Variants in UPF3A observed in about 807,000 individuals in gnomAD.
UPF3A encodes the protein regulator of nonsense transcripts 3A.
UPF3A carries 42 observed loss-of-function variants against 53.5 expected under a neutral mutation model. The observed-to-expected ratio is 0.78, with a 90% confidence interval of 0.61 to 1.01. The LOEUF (loss-of-function observed/expected upper bound fraction) is 1.01. Among genes scored for constraint, UPF3A ranks in the 50% least tolerant of loss-of-function variants. UPF3A has a pLI of 0.00. For missense variants in UPF3A, 575 were observed against 598.0 expected, an observed-to-expected ratio of 0.96 and a Z score of 0.40; for synonymous variants, 237 against 225.3, an observed-to-expected ratio of 1.05 and a Z score of -0.47.
In UPF3A at chr13:114,296,738, T is replaced by G. The variant is rs562607853; in HGVS notation, c.847-2102T>G. Reference sequence around the variant, plus strand: ...GACTGAGCCCTTGACCCGTGGGTTCTGGTGCTAACTCCAGGTCGATGATCT... The same window carrying G: ...GACTGAGCCCTTGACCCGTGGGTTCGGGTGCTAACTCCAGGTCGATGATCT... On this transcript the variant is annotated intron_variant, in intron 7 of 9. Transcript: ENST00000375299. 3.9e-5 allele frequency among the ~76,000 whole-genome samples: 6 copies of G among 152,326 alleles called. No individual in the cohort carries two copies. The South Asian group carries it at 6.2e-4, about 16-fold the overall frequency.
chr13:114,287,037 C>T (rs2084762278), intron 5 of UPF3A: 1 of 162,494 alleles, frequency 6.2e-6, no homozygotes, highest in South Asian at 1.7e-4. Context: ...TGCTTCAACA[C>T]AAATGCCAGG....
At chr13:114,292,195 C>T (rs1183982955) in intron 7 of UPF3A, among the ~76,000 whole-genome samples, 2 of 150,236 alleles carry the variant, frequency 1.3e-5, no homozygotes, top group Non-Finnish European at 1.5e-5. Context: ...CGTACACGTG[C>T]AGGTGTGTTA....
intron 9 of UPF3A, among the ~76,000 whole-genome samples, chr13:114,303,829 A>G (rs1227283640): frequency 6.6e-6 from 1 of 152,226 alleles, no homozygotes; most frequent in Non-Finnish European, 1.5e-5. Flanking sequence ...TGCTGGCTCC[A>G]GGCAGCCTGT....
intron 3 of UPF3A, chr13:114,284,991 G>A (rs1449029414): frequency 6.6e-6 from 1 of 152,260 alleles, no homozygotes; most frequent in Non-Finnish European, 1.5e-5. Flanking sequence ...TGCTTTTGAT[G>A]TCATATGCAA....
chr13:114,294,818 C>T (rs1164435850), intron 7 of UPF3A, among the ~76,000 whole-genome samples: 6 of 150,156 alleles, frequency 4.0e-5, no homozygotes, highest in Admixed American at 2.7e-4. Flanking sequence ...GAGCGAGACT[C>T]CGTCTCAAAA....
Position 114,282,085 on chromosome 13 carries a change from T to C in UPF3A, c.272T>C (p.Leu91Pro). 1 of 1,580,194 alleles carries C rather than the reference T, an allele frequency of 6.3e-7. No homozygotes were observed. Reference sequence around the variant, plus strand: ...CAGCTGGAGGAGCAGCTGCGCCCGCTGCCAGCACACGACTACTTCGAGTTC... The same window carrying C: ...CAGCTGGAGGAGCAGCTGCGCCCGCCGCCAGCACACGACTACTTCGAGTTC... ...KEQLEEQLRPLPAHDYFEFFA... is the reference protein window; with the variant it reads ...KEQLEEQLRPPPAHDYFEFFA... The change falls in exon 2 of 10, where the codon CTG becomes CCG. Residue 91 changes from leucine to proline, a missense_variant. Physicochemically the swap from Leu to Pro is moderately conservative, Grantham distance 98 (BLOSUM62 -3). Transcript: ENST00000375299.
At chr13:114,282,508 G>A in intron 2 of UPF3A, 1 of 985,438 alleles carries the variant, frequency 1.0e-6, no homozygotes. Flanking sequence ...AGCCAGTGCG[G>A]TTTTAAATAC....
At position 114,282,439 on chromosome 13, in the gene UPF3A, CG is replaced by C. The variant is rs1034013852; in HGVS notation, c.314+316del. 3.2e-5 allele frequency: 32 copies of C among 985,272 alleles called. No homozygotes were observed. The African/African-American group carries it at 4.9e-4, about 15-fold the overall frequency. The allele number at this position is 985,272 out of a possible 1,614,324, so 61.0% of individuals were successfully genotyped here. A position where few individuals can be genotyped will look rare whatever the true frequency, so the allele number is the denominator to read the frequency against. On this transcript the variant is annotated intron_variant, in intron 2 of 9. Transcript: ENST00000375299. ...CCGGGCTTCCCTGCTCGTCCGCGGA[CG>C]GGGCGCTGCGGGGCCGGGGGGCGCC...
At chr13:114,292,277 C>T (rs74116883) in intron 7 of UPF3A, among the ~76,000 whole-genome samples, 2,571 of 146,172 alleles carry the variant, frequency 0.018, 85 homozygotes, top group African/African-American at 0.064. Context: ...AAGGCGTACA[C>T]GTGCAGGTGT....
In UPF3A at chr13:114,304,872, A is replaced by T. The variant is rs140255893; in HGVS notation, c.1386A>T (p.Ala462=). 1.9e-6 allele frequency: 3 copies of T among 1,613,698 alleles called. No homozygotes were observed. In the African/African-American group the frequency reaches 4.0e-5, roughly 22 times the overall value. ...ECGGNRRICK[A]EGSGTGPEKR... ...GCGGAAACAGGAGGATCTGCAAGGC[A>T]GAAGGTTCGGGGACTGGTCCTGAGA... Residue 462 remains alanine (A), a synonymous_variant, in exon 10 of 10, where the codon GCA becomes GCT. Coordinates refer to ENST00000375299, the MANE Select transcript of UPF3A (RefSeq NM_023011.4).
chr13:114,293,332 C>T (rs576508615), intron 7 of UPF3A, among the ~76,000 whole-genome samples: 25 of 151,832 alleles, frequency 1.6e-4, no homozygotes, highest in Admixed American at 1.4e-3. Context: ...TGCAGCGAGC[C>T]GGGATCGCGC....
At chr13:114,299,224 G>A (rs183120558) in intron 8 of UPF3A, among the ~76,000 whole-genome samples, 1 of 152,298 alleles carries the variant, frequency 6.6e-6, no homozygotes, top group East Asian at 1.9e-4. Flanking sequence ...TCTTCCTGTT[G>A]TTTGCTTTGC....
intron 5 of UPF3A, 38 bp from the exon 6 acceptor site, chr13:114,291,451 T>C: frequency 6.6e-7 from 1 of 1,510,714 alleles, no homozygotes; most frequent in Non-Finnish European, 9.0e-7. Context: ...CATCTTTCTT[T>C]AGGAGTTAAA....
rs753103267 is a variant in UPF3A at position 114,286,294 on chromosome 13, G to A, written c.422-8G>A. On this transcript the variant is annotated splice_polypyrimidine_tract_variant and splice_region_variant and intron_variant, in intron 3 of 9. Coordinates refer to ENST00000375299, the MANE Select transcript of UPF3A (RefSeq NM_023011.4). ...GAATGGCTTCTGGAACATGTTTCCT[G>A]TTAAAAGGCCTAGAATATCCTGCAG... 1 of 1,611,550 alleles carries A rather than the reference G, an allele frequency of 6.2e-7. No homozygotes were observed. The highest frequency in any genetic ancestry group is 8.5e-7 in the Non-Finnish European group (1 of 1,179,580).
intron 1 of UPF3A, 85 bp downstream of exon 1, chr13:114,281,931 G>C: frequency 1.7e-6 from 2 of 1,161,316 alleles, no homozygotes; most frequent in Middle Eastern, 2.9e-4. Context: ...GGGAGGGGCG[G>C]GGGCCGGGCC....
chr13:114,299,067 T>G lies in UPF3A; in HGVS notation c.1007+67T>G, dbSNP rs2701318. The G allele has an allele frequency of 4.8e-6, 7 of 1,454,296 alleles. No homozygotes were observed. In the East Asian group the frequency reaches 1.7e-4, roughly 36 times the overall value. The allele number at this position is 1,454,296 out of a possible 1,614,324, so 90.1% of individuals were successfully genotyped here. A position where few individuals can be genotyped will look rare whatever the true frequency, so the allele number is the denominator to read the frequency against. ...CATGGTGACGTAGGCTTTGTCAGTATGAGTATGCCTATTTCACACTGTTCT... is the reference window on the plus strand; with the variant it reads ...CATGGTGACGTAGGCTTTGTCAGTAGGAGTATGCCTATTTCACACTGTTCT... On this transcript the variant is annotated intron_variant, in intron 8 of 9. Transcript: ENST00000375299.
intron 4 of UPF3A, 50 bp downstream of exon 4, chr13:114,286,450 T>C (rs758089447): frequency 6.2e-7 from 1 of 1,612,228 alleles, no homozygotes; most frequent in Non-Finnish European, 8.5e-7. Flanking sequence ...TTAAGAACAC[T>C]GAGCAAATGT....
intron 7 of UPF3A, among the ~76,000 whole-genome samples, chr13:114,296,306 C>G (rs71449094): frequency 1.3e-5 from 2 of 152,104 alleles, no homozygotes; most frequent in African/African-American, 2.4e-5. Flanking sequence ...TCGCTTGAAC[C>G]CAGGAGGCGA....
At position 114,282,190 on chromosome 13, in the gene UPF3A, C is replaced by G. The variant is rs183234380; in HGVS notation, c.314+63C>G. The G allele has an allele frequency of 5.1e-4, 695 of 1,375,690 alleles. 12 individuals are homozygous for G. The Admixed American group carries it at 0.014, about 27-fold the overall frequency. 85.2% of individuals were successfully genotyped at this position (1,375,690 alleles called of 1,614,324 possible). On this transcript the variant is annotated intron_variant, in intron 2 of 9. Coordinates refer to ENST00000375299, the MANE Select transcript of UPF3A (RefSeq NM_023011.4). Reference sequence around the variant, plus strand: ...CCCAGAGCTCGGCGGCGGTGGCCGTCTCGTTGCCTTACGTTCCTTACCCTG... The same window carrying G: ...CCCAGAGCTCGGCGGCGGTGGCCGTGTCGTTGCCTTACGTTCCTTACCCTG...
Sources: gnomAD v4.1 joint callset for allele counts (sites outside exome capture counted in the v4.1 genomes callset) on GRCh38, gnomAD v4.1.1 for gene constraint, MANE v1.5 for transcripts, NCBI Gene and HGNC (gene_info 2026-07-23, HGNC 2026-07-21) for gene names.